TENM3: variants seen among roughly 807,000 people sequenced by gnomAD.
The protein encoded by TENM3 is teneurin transmembrane protein 3, also known as teneurin-3.
TENM3 carries 63 observed loss-of-function variants against 255.1 expected under a neutral mutation model. That is an observed-to-expected ratio of 0.25 (90% CI 0.20 to 0.30). TENM3 has a LOEUF of 0.30. Among genes scored for constraint, TENM3 ranks in the 10% least tolerant of loss-of-function variants. TENM3 has a pLI of 1.00. For synonymous variants in TENM3, 1,306 were observed against 1,322.3 expected (o/e 0.99, Z 0.27); for missense variants, 2,929 against 3,461.1 (o/e 0.85, Z 3.86).
At chr4:182,197,601 G>A (rs1420273297) in intron 1 of TENM3, among the ~76,000 whole-genome samples, 1 of 152,200 alleles carries the variant, frequency 6.6e-6, no homozygotes, top group Non-Finnish European at 1.5e-5. Flanking sequence ...GAAAAAAAAT[G>A]TGTAAAGGGC....
chr4:181,565,567 C>G, the TENM3 span, among the ~76,000 whole-genome samples: 1 of 152,094 alleles, frequency 6.6e-6, no homozygotes, highest in Admixed American at 6.6e-5. Context: ...GACGAGGGCA[C>G]GCAGCAAAGT....
the TENM3 span, among the ~76,000 whole-genome samples, chr4:182,051,378 C>CTT: frequency 1.1e-3 from 144 of 129,578 alleles, 1 homozygote; most frequent in African/African-American, 4.0e-3. Context: ...TTTTTCCTCT[C>CTT]TTTTTTTTTT....
Position 182,199,439 on chromosome 4 carries a change from A to G in TENM3, c.-76+54685A>G, listed in dbSNP as rs115670493. ...TCCATCTCAAAAAACAAAAAAAAGA[A>G]GAAACATTGCCTATTGCCCATTTCA... On this transcript the variant is annotated intron_variant, in intron 1 of 2. Transcript: ENST00000512480. Among the ~76,000 whole-genome samples, 594 of 152,300 alleles carry G rather than the reference A, an allele frequency of 3.9e-3. 4 individuals carry two copies. The highest frequency in any genetic ancestry group is 0.013 in the African/African-American group (561 of 41,580).
intron 12 of TENM3, among the ~76,000 whole-genome samples, chr4:182,699,401 C>T (rs548615318): frequency 1.6e-4 from 25 of 152,300 alleles, no homozygotes; most frequent in African/African-American, 5.1e-4. Context: ...CCCAGGACCT[C>T]GTGTTTGTTT....
the TENM3 span, among the ~76,000 whole-genome samples, chr4:181,638,177 G>A: frequency 7.9e-5 from 12 of 152,194 alleles, no homozygotes; most frequent in African/African-American, 2.9e-4. Flanking sequence ...TAAACTGGTT[G>A]TTGGTAATAG....
the TENM3 span, among the ~76,000 whole-genome samples, chr4:181,695,050 A>G: frequency 5.9e-5 from 9 of 152,190 alleles, no homozygotes; most frequent in African/African-American, 1.9e-4. Context: ...TTCAGAATGC[A>G]TGGGAAATAT....
chr4:182,198,693 G>A (rs999746591), intron 1 of TENM3, among the ~76,000 whole-genome samples: 1 of 152,256 alleles, frequency 6.6e-6, no homozygotes, highest in Non-Finnish European at 1.5e-5. Context: ...GTCAGGTAGT[G>A]CGGAGTGGAT....
intron 13 of TENM3, among the ~76,000 whole-genome samples, chr4:182,716,130 C>T (rs551411658): frequency 3.7e-4 from 57 of 152,232 alleles, no homozygotes; most frequent in African/African-American, 1.3e-3. Flanking sequence ...AAAGAACCCC[C>T]TACTCCAATG....
chr4:182,476,484 A>G (rs1362145762), intron 3 of TENM3, among the ~76,000 whole-genome samples: 1 of 152,228 alleles, frequency 6.6e-6, no homozygotes, highest in Non-Finnish European at 1.5e-5. Context: ...TTATTTTTAA[A>G]GAATGGTACT....
the TENM3 span, among the ~76,000 whole-genome samples, chr4:181,849,154 G>T: frequency 6.6e-6 from 1 of 152,164 alleles, no homozygotes; most frequent in South Asian, 2.1e-4. Flanking sequence ...ATAAGTAAAA[G>T]TGCTTAATAT....
intron 3 of TENM3, among the ~76,000 whole-genome samples, chr4:182,434,130 G>T (rs4862067): frequency 1.4e-5 from 2 of 147,570 alleles, no homozygotes; most frequent in Non-Finnish European, 3.0e-5. Flanking sequence ...AAAAAAAAAA[G>T]GTAGAGTAGT....
chr4:181,930,213 C>A, the TENM3 span, among the ~76,000 whole-genome samples: 2 of 151,976 alleles, frequency 1.3e-5, no homozygotes, highest in African/African-American at 2.4e-5. Context: ...ATTCAAAAAA[C>A]CAATGAATCC....
At chr4:181,671,645 A>T in the TENM3 span, among the ~76,000 whole-genome samples, 6,758 of 152,218 alleles carry the variant, frequency 0.044, 183 homozygotes, top group African/African-American at 0.076. Context: ...GTGGCTCTTT[A>T]TGTCCAAGCA....
intron 1 of TENM3, among the ~76,000 whole-genome samples, chr4:182,147,691 G>C (rs577660205): frequency 1.3e-5 from 2 of 152,000 alleles, no homozygotes; most frequent in Non-Finnish European, 2.9e-5. Context: ...TTTTACTTAG[G>C]TTGAGAATAT....
the TENM3 span, among the ~76,000 whole-genome samples, chr4:181,888,703 T>C: frequency 6.8e-6 from 1 of 147,690 alleles, no homozygotes; most frequent in African/African-American, 2.5e-5. Flanking sequence ...ATCTGCAAAC[T>C]GGAGAAACCA....
chr4:181,533,557 G>A, the TENM3 span, among the ~76,000 whole-genome samples: 9 of 151,924 alleles, frequency 5.9e-5, no homozygotes, highest in South Asian at 2.1e-4. Context: ...CCCAACACCC[G>A]TTATTGGGCA....
chr4:182,098,963 CTTTTTTT>C, the TENM3 span, among the ~76,000 whole-genome samples: 2,540 of 131,242 alleles, frequency 0.019, 71 homozygotes, highest in African/African-American at 0.068. Context: ...CTCTTTTTTT[CTTTTTTT>C]TTTTTTTTTT....
chr4:181,585,788 A>G, the TENM3 span, among the ~76,000 whole-genome samples: 1 of 152,128 alleles, frequency 6.6e-6, no homozygotes, highest in African/African-American at 2.4e-5. Context: ...AGAAACCTTT[A>G]TTTCACTTCT....
chr4:182,407,838 C>T (rs1769690362), intron 3 of TENM3, among the ~76,000 whole-genome samples: 1 of 152,214 alleles, frequency 6.6e-6, no homozygotes, highest in African/African-American at 2.4e-5. Flanking sequence ...ATTCACTCTT[C>T]ATTACCAAAT....
Sources: gnomAD v4.1 joint callset for allele counts (sites outside exome capture counted in the v4.1 genomes callset) on GRCh38, gnomAD v4.1.1 for gene constraint, MANE v1.5 for transcripts, NCBI Gene and HGNC (gene_info 2026-07-23, HGNC 2026-07-21) for gene names.